NEK6: variants seen among roughly 807,000 people sequenced by gnomAD.
NEK6 encodes NIMA related kinase 6, also known as serine/threonine-protein kinase Nek6.
A neutral mutation model predicts 43.5 loss-of-function variants in NEK6; 27 were observed. That is an observed-to-expected ratio of 0.62 (90% confidence interval 0.46 to 0.86). The LOEUF (loss-of-function observed/expected upper bound fraction) is 0.86. Ranked by LOEUF, NEK6 falls within the 40% of genes least tolerant of loss-of-function variation. The pLI, the probability that NEK6 is intolerant of heterozygous loss-of-function variation, is 0.00. For missense variants in NEK6, 318 were observed against 414.4 expected, an observed-to-expected ratio of 0.77 and a Z score of 2.02; for synonymous variants, 167 against 164.1, an observed-to-expected ratio of 1.02 and a Z score of -0.14.
rs1830319099 is a variant in NEK6 at position 124,352,376 on chromosome 9, C to G, written c.*1429C>G. 1 of 152,234 alleles carries G rather than the reference C, an allele frequency of 6.6e-6. No individual in the cohort carries two copies. The highest frequency in any genetic ancestry group is 2.4e-5 in the African/African-American group (1 of 41,466). The allele number at this position is 152,234 out of a possible 1,614,324, so 9.4% of individuals were successfully genotyped here. A position where few individuals can be genotyped will look rare whatever the true frequency, so the allele number is the denominator to read the frequency against. On this transcript the variant is annotated 3_prime_UTR_variant, in exon 10 of 10. Transcript: ENST00000320246. ...CTCCATATGCAGCCTTTCCTCTGTACTTTTCTCCATGGTTGAAATAAAACA... is the reference window on the plus strand; with the variant it reads ...CTCCATATGCAGCCTTTCCTCTGTAGTTTTCTCCATGGTTGAAATAAAACA...
intron 1 of NEK6, among the ~76,000 whole-genome samples, chr9:124,296,622 G>A (rs556397748): frequency 2.0e-4 from 30 of 152,332 alleles, no homozygotes; most frequent in Middle Eastern, 6.8e-3. Flanking sequence ...AGAGGTGTAA[G>A]ATCCAGTATA....
In NEK6 at chr9:124,326,086, C is replaced by T. The variant is rs1186048761; in HGVS notation, c.406-244C>T. On this transcript the variant is annotated intron_variant, in intron 5 of 9. Coordinates refer to ENST00000320246, the MANE Select transcript of NEK6 (RefSeq NM_014397.6). This position sits in a 1 kb window ranked among gnomAD's most constrained non-coding sequence, Gnocchi z 4.5. ...ATCCGGACATGCCAGGCCTGCCTGG[C>T]CCTCACGGAGCTTGCTGGGTTGGGA... Among the ~76,000 whole-genome samples the T allele has an allele frequency of 2.0e-5, 3 of 152,222 alleles. No homozygotes were observed. Among genetic ancestry groups the T allele is most frequent in the African/African-American group, 7.2e-5 (3 of 41,450 alleles).
chr9:124,301,799 A>G, intron 1 of NEK6, 137 bp from the exon 2 acceptor site: 1 of 705,656 alleles, frequency 1.4e-6, no homozygotes, highest in Non-Finnish European at 2.5e-6. Context: ...GCCACTTCGG[A>G]GCTGGGTGAC....
chr9:124,285,474 A>G (rs1233768823), intron 1 of NEK6, among the ~76,000 whole-genome samples: 1 of 152,140 alleles, frequency 6.6e-6, no homozygotes, highest in Admixed American at 6.5e-5. Context: ...GCAAGGCTCA[A>G]AGAGCTGGGT....
chr9:124,340,581 C>T (rs901837958), intron 8 of NEK6, among the ~76,000 whole-genome samples: 2 of 152,256 alleles, frequency 1.3e-5, no homozygotes, highest in South Asian at 2.1e-4. Context: ...TGGAAACCCC[C>T]CCAGGCTGTT....
chr9:124,343,355 G>A lies in NEK6; in HGVS notation c.717+3690G>A, dbSNP rs542083158. On this transcript the variant is annotated intron_variant, in intron 8 of 9. Coordinates refer to ENST00000320246, the MANE Select transcript of NEK6 (RefSeq NM_014397.6). This position sits in a 1 kb window ranked among gnomAD's most constrained non-coding sequence, Gnocchi z 5.1. ...CACAGCCAGGGGTGGATACCAGTCAGCAGTAGGAAGTGAATGAAACACAGC... is the reference window on the plus strand; with the variant it reads ...CACAGCCAGGGGTGGATACCAGTCAACAGTAGGAAGTGAATGAAACACAGC... Among the ~76,000 whole-genome samples, 1 of 152,144 alleles carries A rather than the reference G, an allele frequency of 6.6e-6. No individual in the cohort carries two copies. The highest frequency in any genetic ancestry group is 2.1e-4 in the South Asian group (1 of 4,822).
intron 4 of NEK6, among the ~76,000 whole-genome samples, chr9:124,317,132 T>C (rs1183137903): frequency 6.6e-6 from 1 of 152,236 alleles, no homozygotes; most frequent in East Asian, 1.9e-4. Context: ...TTTGACACTT[T>C]TTTTGGTAAC....
At chr9:124,325,182 A>T (rs1564648466) in intron 5 of NEK6, among the ~76,000 whole-genome samples, 1 of 152,040 alleles carries the variant, frequency 6.6e-6, no homozygotes, top group Non-Finnish European at 1.5e-5. Context: ...CTCAAAAAAA[A>T]AAAGAAGTGG....
At chr9:124,347,853 GC>G in intron 9 of NEK6, 31 bp downstream of exon 9, 2 of 1,403,330 alleles carry the variant, frequency 1.4e-6, no homozygotes, top group Non-Finnish European at 2.0e-6. Context: ...GGCCTCGCCA[GC>G]CCCAGGAGGC....
In NEK6 at chr9:124,326,510, AG is replaced by A; in HGVS notation, c.514+75del. The A allele has an allele frequency of 9.0e-7, 1 of 1,112,892 alleles. No homozygotes were observed. The highest frequency in any genetic ancestry group is 1.3e-6 in the Non-Finnish European group (1 of 741,776). The allele number at this position is 1,112,892 out of a possible 1,614,324, so 68.9% of individuals were successfully genotyped here. A position where few individuals can be genotyped will look rare whatever the true frequency, so the allele number is the denominator to read the frequency against. ...GAAGACACTTCCTCATGGCTCCTCC[AG>A]GGTCCTCAGGGGCAGCCCCTTGAGG... On this transcript the variant is annotated intron_variant, in intron 6 of 9. Transcript: ENST00000320246. This position sits in a 1 kb window ranked among gnomAD's most constrained non-coding sequence, Gnocchi z 4.5.
chr9:124,288,574 C>T (rs907968018), intron 1 of NEK6, among the ~76,000 whole-genome samples: 1 of 152,132 alleles, frequency 6.6e-6, no homozygotes. Flanking sequence ...GTGAGCCACC[C>T]TGCTCGGCCC....
At chr9:124,339,954 G>GC (rs1413768407) in intron 8 of NEK6, among the ~76,000 whole-genome samples, 2 of 152,126 alleles carry the variant, frequency 1.3e-5, no homozygotes, top group African/African-American at 2.4e-5. Context: ...AGCTGCCCCT[G>GC]CCCCCGTCGC....
intron 8 of NEK6, among the ~76,000 whole-genome samples, chr9:124,346,319 A>G (rs1829921573): frequency 6.6e-6 from 1 of 152,180 alleles, no homozygotes; most frequent in Admixed American, 6.5e-5. Context: ...AGACCTGTTC[A>G]TGGACGAACA....
Position 124,313,953 on chromosome 9 carries a change from C to G in NEK6, c.262C>G (p.Gln88Glu), listed in dbSNP as rs1833682139. The stretch of plus-strand genomic sequence containing the variant: ...TGAGATGATGGACGCCAAGGCGAGG[C>G]AGGACTGTGTCAAGGAGATCGGCCT... ...IFEMMDAKAR[Q>E]DCVKEIGLLK... The change falls in exon 4 of 10, where the codon CAG becomes GAG. Residue 88 changes from glutamine (Q) to glutamate (E), a missense_variant. By Grantham distance (29) the Gln-to-Glu change is conservative. This residue lies in a region of NEK6 where 239 missense variants were observed against 344.4 expected (regional missense o/e 0.69). Coordinates refer to ENST00000320246, the MANE Select transcript of NEK6 (RefSeq NM_014397.6). 3 of 1,614,200 alleles carry G rather than the reference C, an allele frequency of 1.9e-6. No individual in the cohort carries two copies. The East Asian group carries it at 6.7e-5, about 36-fold the overall frequency.
chr9:124,272,953 A>G (rs187182267), intron 1 of NEK6, among the ~76,000 whole-genome samples: 27 of 152,202 alleles, frequency 1.8e-4, no homozygotes, highest in African/African-American at 6.5e-4. Flanking sequence ...TTGGCAGCAG[A>G]AAAACCAAAG....
chr9:124,327,049 A>C (rs568131741), intron 6 of NEK6, among the ~76,000 whole-genome samples: 1 of 152,272 alleles, frequency 6.6e-6, no homozygotes, highest in African/African-American at 2.4e-5. Flanking sequence ...TGTTCTAGGC[A>C]TGGAGGATAC....
chr9:124,327,485 T>G, intron 7 of NEK6, 40 bp downstream of exon 7: 2 of 1,513,782 alleles, frequency 1.3e-6, no homozygotes, highest in South Asian at 2.2e-5. Flanking sequence ...CCCCCAGCGG[T>G]CCTGGTGACC....
intron 1 of NEK6, among the ~76,000 whole-genome samples, chr9:124,298,714 C>G (rs1009036738): frequency 3.3e-5 from 5 of 152,192 alleles, no homozygotes. Flanking sequence ...CAAATCCTGG[C>G]TCCTTTTGTC....
chr9:124,258,062 G>C lies in NEK6; in HGVS notation c.-53G>C. On this transcript the variant is annotated 5_prime_UTR_variant, in exon 1 of 10. Transcript: ENST00000320246. The stretch of plus-strand genomic sequence containing the variant: ...GGGCCAGCGCACCGGTCCCCCAGCG[G>C]CAGCCGAGCCCGCCCGCGCGCCGGT... 2.0e-6 allele frequency: 2 copies of C among 979,294 alleles called. No individual in the cohort carries two copies. The highest frequency in any genetic ancestry group is 2.4e-6 in the Non-Finnish European group (2 of 827,582). The allele number at this position is 979,294 out of a possible 1,614,324, so 60.7% of individuals were successfully genotyped here.
Sources: allele counts gnomAD v4.1 joint callset (sites outside exome capture counted in the v4.1 genomes callset), GRCh38; gene constraint gnomAD v4.1.1; regional missense constraint gnomAD v4.1.1; non-coding constraint Gnocchi (gnomAD v3.1); transcripts MANE v1.5; gene names NCBI Gene and HGNC (gene_info 2026-07-23, HGNC 2026-07-21).